Variants in TCF4 observed in about 807,000 individuals in gnomAD.
The protein encoded by TCF4 is transcription factor 4.
A neutral mutation model predicts 82.1 loss-of-function variants in TCF4; 3 were observed. The observed-to-expected ratio is 0.04, with a 90% confidence interval of 0.02 to 0.09. The LOEUF (loss-of-function observed/expected upper bound fraction) is 0.09. TCF4 is among the 10% of genes least tolerant of loss of function. TCF4 has a pLI of 1.00. For missense variants in TCF4, 518 were observed against 852.7 expected (o/e 0.61, Z 4.89); for synonymous variants, 276 against 309.6 (o/e 0.89, Z 1.14).
chr18:55,365,223 G>GTATATA (rs1163720022), intron 6 of TCF4, among the ~76,000 whole-genome samples: 17 of 135,628 alleles, frequency 1.3e-4, no homozygotes, highest in African/African-American at 4.7e-4. Flanking sequence ...ATATATGTGT[G>GTATATA]TGTGTGTGTG....
chr18:55,514,445 A>ACACACC (rs1555716324), intron 3 of TCF4, among the ~76,000 whole-genome samples: 2 of 94,274 alleles, frequency 2.1e-5, no homozygotes, highest in South Asian at 4.0e-4. Context: ...ACACACACAC[A>ACACACC]CCCCAATCAT....
chr18:55,365,156 A>AATATATATATATATATATATATATAT (rs139574594), intron 6 of TCF4, among the ~76,000 whole-genome samples: 3 of 83,536 alleles, frequency 3.6e-5, no homozygotes, highest in African/African-American at 5.6e-5. Flanking sequence ...CCATCTCCAA[A>AATATATATATATATATATATATATAT]ATATATATAT....
chr18:55,403,621 GT>G, intron 5 of TCF4, 103 bp from the exon 6 acceptor site: 1 of 1,609,856 alleles, frequency 6.2e-7, no homozygotes, highest in Non-Finnish European at 8.5e-7. Flanking sequence ...GTTTACATAC[GT>G]AAAGTAGGCA....
At chr18:55,344,490 A>AC (rs146305532) in intron 8 of TCF4, among the ~76,000 whole-genome samples, 5,389 of 152,166 alleles carry the variant, frequency 0.035, 130 homozygotes, top group African/African-American at 0.048. Context: ...CGAGTCCAAA[A>AC]CTTCACACCA....
intron 2 of TCF4, among the ~76,000 whole-genome samples, chr18:55,613,453 G>A (rs2097709030): frequency 6.6e-6 from 1 of 152,080 alleles, no homozygotes; most frequent in South Asian, 2.1e-4. Context: ...GTTGTTTCAG[G>A]TGTCCATAGT....
At chr18:55,278,297 T>C (rs1465670416) in intron 9 of TCF4, among the ~76,000 whole-genome samples, 3 of 152,172 alleles carry the variant, frequency 2.0e-5, no homozygotes, top group Non-Finnish European at 4.4e-5. Flanking sequence ...GGAAACCCCA[T>C]GGCCCGTAGA....
At chr18:55,272,509 A>G (rs1050520185) in intron 10 of TCF4, among the ~76,000 whole-genome samples, 2 of 152,090 alleles carry the variant, frequency 1.3e-5, no homozygotes, top group East Asian at 1.9e-4. Context: ...TATGATGCCC[A>G]AGAGTCCTGT....
Position 55,257,349 on chromosome 18 carries a change from G to A in TCF4, c.1112C>T (p.Ser371Leu). 1.2e-6 allele frequency: 2 copies of A among 1,613,736 alleles called. No individual in the cohort carries two copies. The highest frequency in any genetic ancestry group is 1.7e-6 in the Non-Finnish European group (2 of 1,179,728). Residue 371 changes from serine to leucine, a missense_variant, in exon 14 of 20, where the codon TCG becomes TTG. Ser to Leu is a moderately radical substitution (Grantham distance 145). Around this residue, in one of 7 missense-constraint regions of TCF4, gnomAD observed 211 missense variants for 327.4 expected, o/e 0.64. Transcript: ENST00000354452. ...TAAGGGTCCTTCATAATTAGGAGAC[G>A]ATGAGGCCTGTCCTCCATTTCTAGA... ...VWSRNGGQAS[S>L]SPNYEGPLHS...
At chr18:55,509,000 A>G (rs986554647) in intron 3 of TCF4, among the ~76,000 whole-genome samples, 3 of 152,210 alleles carry the variant, frequency 2.0e-5, no homozygotes, top group Admixed American at 6.5e-5. Flanking sequence ...AGACTCCTGT[A>G]TGTTATTAAA....
intron 6 of TCF4, among the ~76,000 whole-genome samples, chr18:55,359,451 C>T (rs1275714519): frequency 2.6e-5 from 4 of 152,248 alleles, no homozygotes; most frequent in South Asian, 2.1e-4. Flanking sequence ...GATCCTCAAG[C>T]GCAGAAAGTG....
At chr18:55,322,254 C>T (rs1329669567) in intron 8 of TCF4, 22 of 1,056,144 alleles carry the variant, frequency 2.1e-5, no homozygotes, top group Non-Finnish European at 2.2e-5. Flanking sequence ...TCTCTCTCTC[C>T]CTCTCTTTCT....
At chr18:55,559,375 A>C (rs1412169390) in intron 3 of TCF4, among the ~76,000 whole-genome samples, 1 of 152,114 alleles carries the variant, frequency 6.6e-6, no homozygotes, top group African/African-American at 2.4e-5. Flanking sequence ...CTAATGTGTA[A>C]ATGAATAAAT....
chr18:55,478,145 T>C (rs1229415977), intron 3 of TCF4, among the ~76,000 whole-genome samples: 1 of 152,166 alleles, frequency 6.6e-6, no homozygotes, highest in East Asian at 1.9e-4. Flanking sequence ...CAGTAGAGAA[T>C]AATGATTTAT....
chr18:55,350,840 A>G (rs1474174275), intron 7 of TCF4, 34 bp downstream of exon 7: 1 of 1,612,560 alleles, frequency 6.2e-7, no homozygotes, highest in Admixed American at 1.7e-5. Context: ...AGGCATAATC[A>G]TCCCTCAGGC....
rs1288376635 is a variant in TCF4, at chr18:55,475,139, C to T, written c.146-11002G>A. On this transcript the variant is annotated intron_variant, in intron 3 of 19. Transcript: ENST00000354452. Reference sequence around the variant, plus strand: ...CCATATTCCAATAGGGAACTTCCTCCCTCTCCGGTAGAAGACAAAGTCCAG... The same window carrying T: ...CCATATTCCAATAGGGAACTTCCTCTCTCTCCGGTAGAAGACAAAGTCCAG... Among the ~76,000 whole-genome samples the T allele has an allele frequency of 3.9e-5, 6 of 152,254 alleles. No individual in the cohort carries two copies. The South Asian group carries it at 1.0e-3, about 26-fold the overall frequency.
Position 55,409,781 on chromosome 18 carries a change from G to A in TCF4, c.305-6263C>T, listed in dbSNP as rs193054219. ...GTTTCTATTGGCTTATATGTCTTACGGTAATCTGTGGCCATGCAGGTATAG... is the reference window on the plus strand; with the variant it reads ...GTTTCTATTGGCTTATATGTCTTACAGTAATCTGTGGCCATGCAGGTATAG... On this transcript the variant is annotated intron_variant, in intron 5 of 19. Transcript: ENST00000354452. Among the ~76,000 whole-genome samples, 8 of 152,090 alleles carry A rather than the reference G, an allele frequency of 5.3e-5. No individual in the cohort carries two copies. In the East Asian group the frequency reaches 1.4e-3, roughly 26 times the overall value.
intron 5 of TCF4, among the ~76,000 whole-genome samples, chr18:55,439,818 G>A (rs928683334): frequency 1.3e-5 from 2 of 152,222 alleles, no homozygotes; most frequent in African/African-American, 4.8e-5. Context: ...CGCCTCCTGG[G>A]TTCAATCAGT....
At chr18:55,503,609 A>T (rs1486363896) in intron 3 of TCF4, among the ~76,000 whole-genome samples, 4 of 152,210 alleles carry the variant, frequency 2.6e-5, no homozygotes, top group African/African-American at 7.2e-5. Context: ...AACTTCCAAC[A>T]ATACCTAGAA....
At chr18:55,326,569 G>A (rs1355197684) in intron 8 of TCF4, among the ~76,000 whole-genome samples, 1 of 152,008 alleles carries the variant, frequency 6.6e-6, no homozygotes, top group East Asian at 1.9e-4. Flanking sequence ...AACACGACTG[G>A]CCTGAGAATT....
Sources: allele counts gnomAD v4.1 joint callset (sites outside exome capture counted in the v4.1 genomes callset), GRCh38; gene constraint gnomAD v4.1.1; regional missense constraint gnomAD v4.1.1; transcripts MANE v1.5; gene names NCBI Gene and HGNC (gene_info 2026-07-23, HGNC 2026-07-21).